Variants in ARHGEF4 observed in about 807,000 individuals in gnomAD.
ARHGEF4 encodes APC-stimulated guanine nucleotide exchange factor 1.
A neutral mutation model predicts 162.0 loss-of-function variants in ARHGEF4; 119 were observed. That is an observed-to-expected ratio of 0.73 (90% CI 0.63 to 0.86). The LOEUF is 0.86. Ranked by LOEUF, ARHGEF4 falls within the 40% of genes least tolerant of loss-of-function variation. ARHGEF4 has a pLI of 0.00. For missense variants in ARHGEF4, 2,488 were observed against 2,456.0 expected (o/e 1.01, Z -0.28); for synonymous variants, 1,014 against 979.9 (o/e 1.03, Z -0.65).
At chr2:130,988,901 T>TATATATATATATATAGAG (rs1469212068) in intron 4 of ARHGEF4, among the ~76,000 whole-genome samples, 1 of 113,366 alleles carries the variant, frequency 8.8e-6, no homozygotes, top group African/African-American at 3.7e-5. Flanking sequence ...TATATATATA[T>TATATATATATATATAGAG]AGAGAGAGAG....
chr2:131,000,976 G>A (rs1573575957), intron 4 of ARHGEF4, among the ~76,000 whole-genome samples: 1 of 152,034 alleles, frequency 6.6e-6, no homozygotes, highest in Non-Finnish European at 1.5e-5. Context: ...AATATCTTAC[G>A]AGTGACAAAG....
intron 4 of ARHGEF4, among the ~76,000 whole-genome samples, chr2:130,981,919 A>G (rs1015123025): frequency 2.6e-4 from 39 of 152,224 alleles, no homozygotes; most frequent in Admixed American, 4.6e-4. Context: ...GCAAAACAAC[A>G]AACATAGTGT....
At chr2:130,886,515 T>C (rs1277398350) in intron 1 of ARHGEF4, among the ~76,000 whole-genome samples, 1 of 151,520 alleles carries the variant, frequency 6.6e-6, no homozygotes, top group Non-Finnish European at 1.5e-5. Flanking sequence ...CCTTCTCTAC[T>C]AAAAATACAA....
chr2:130,881,920 A>C lies in ARHGEF4; in HGVS notation c.40-32066A>C, dbSNP rs554747563. Among the ~76,000 whole-genome samples the C allele has an allele frequency of 2.4e-4, 37 of 151,594 alleles. 1 individual carries two copies. The highest frequency in any genetic ancestry group is 4.6e-4 in the Admixed American group (7 of 15,242). On this transcript the variant is annotated intron_variant, in intron 1 of 13. Transcript: ENST00000409359. The stretch of plus-strand genomic sequence containing the variant: ...CGCCAAGCTGGCTGGCAAAACAGGT[A>C]CCCCCTCTCTAGTCTGGGTGGTTGA...
intron 4 of ARHGEF4, among the ~76,000 whole-genome samples, chr2:131,001,630 C>T (rs928705099): frequency 2.0e-5 from 3 of 151,858 alleles, no homozygotes; most frequent in East Asian, 3.9e-4. Flanking sequence ...CTAGTAAAGT[C>T]GAACATGATT....
intron 4 of ARHGEF4, among the ~76,000 whole-genome samples, chr2:131,017,372 C>T (rs1052455365): frequency 1.3e-5 from 2 of 152,190 alleles, no homozygotes; most frequent in Admixed American, 6.5e-5. Flanking sequence ...CTCAACCTTC[C>T]GTTCATGCAG....
chr2:130,901,982 C>T (rs1241477061), intron 1 of ARHGEF4, among the ~76,000 whole-genome samples: 1 of 152,074 alleles, frequency 6.6e-6, no homozygotes, highest in African/African-American at 2.4e-5. Flanking sequence ...AGTGGTTTAC[C>T]CTGCCTTCCT....
At chr2:130,985,936 G>A (rs1686458185) in intron 4 of ARHGEF4, among the ~76,000 whole-genome samples, 1 of 151,584 alleles carries the variant, frequency 6.6e-6, no homozygotes, top group Admixed American at 6.6e-5. Flanking sequence ...TGTTGCATGT[G>A]TGTGTTGAGT....
chr2:130,864,463 G>A (rs565046210), intron 1 of ARHGEF4, among the ~76,000 whole-genome samples: 159 of 152,248 alleles, frequency 1.0e-3, no homozygotes, highest in African/African-American at 3.4e-3. Flanking sequence ...GCTGGCTCAC[G>A]CCTATAATCC....
At chr2:130,950,687 C>CCA (rs1553430105) in intron 4 of ARHGEF4, among the ~76,000 whole-genome samples, 1 of 110,560 alleles carries the variant, frequency 9.0e-6, no homozygotes, top group Admixed American at 8.5e-5. Flanking sequence ...TTAGCTATTA[C>CCA]CCCCCACCAC....
At chr2:130,962,782 G>A (rs1684705273) in intron 4 of ARHGEF4, among the ~76,000 whole-genome samples, 1 of 151,634 alleles carries the variant, frequency 6.6e-6, no homozygotes, top group African/African-American at 2.4e-5. Context: ...GGGCTTTGGG[G>A]GAATGATAAT....
At chr2:130,976,331 TCG>T (rs1491337913) in intron 4 of ARHGEF4, among the ~76,000 whole-genome samples, 3 of 114,266 alleles carry the variant, frequency 2.6e-5, no homozygotes, top group Non-Finnish European at 3.8e-5. Context: ...GGCCCCAGAA[TCG>T]TGTGTGTGTG....
At chr2:130,940,955 C>T (rs568295597) in intron 3 of ARHGEF4, among the ~76,000 whole-genome samples, 7 of 151,806 alleles carry the variant, frequency 4.6e-5, no homozygotes, top group East Asian at 3.9e-4. Context: ...AAACAGTATT[C>T]GAGGAACTCT....
chr2:131,018,028 T>G (rs547257741), intron 4 of ARHGEF4, among the ~76,000 whole-genome samples: 28 of 152,248 alleles, frequency 1.8e-4, no homozygotes, highest in African/African-American at 6.3e-4. Context: ...GCTAAAACAT[T>G]TCTGAAAAGA....
At chr2:130,881,409 T>C (rs1182250248) in intron 1 of ARHGEF4, among the ~76,000 whole-genome samples, 1 of 152,130 alleles carries the variant, frequency 6.6e-6, no homozygotes, top group Non-Finnish European at 1.5e-5. Context: ...GTAAGATTAG[T>C]GTTGGGGGAG....
At chr2:130,846,569 G>A (rs1232101443) in intron 1 of ARHGEF4, among the ~76,000 whole-genome samples, 1 of 152,216 alleles carries the variant, frequency 6.6e-6, no homozygotes, top group Non-Finnish European at 1.5e-5. Context: ...ATGGGACGGC[G>A]AGAGAGAAGG....
chr2:130,839,745 T>C (rs1027283150), intron 1 of ARHGEF4, among the ~76,000 whole-genome samples: 1 of 152,150 alleles, frequency 6.6e-6, no homozygotes, highest in Non-Finnish European at 1.5e-5. Flanking sequence ...GGGCCAAGCA[T>C]GACTTTTGAT....
intron 4 of ARHGEF4, among the ~76,000 whole-genome samples, chr2:130,970,287 G>GT (rs1022367270): frequency 3.3e-5 from 5 of 152,060 alleles, no homozygotes; most frequent in African/African-American, 1.2e-4. Flanking sequence ...GTATTGCCAG[G>GT]TTTTTTAAAA....
chr2:130,988,895 T>TAGAGAGAGAGAGAG (rs1259444648), intron 4 of ARHGEF4, among the ~76,000 whole-genome samples: 1 of 109,092 alleles, frequency 9.2e-6, no homozygotes, highest in East Asian at 3.8e-4. Context: ...TATATATATA[T>TAGAGAGAGAGAGAG]ATATATAGAG....
Sources: gnomAD v4.1 joint callset for allele counts (sites outside exome capture counted in the v4.1 genomes callset) on GRCh38, gnomAD v4.1.1 for gene constraint, MANE v1.5 for transcripts, NCBI Gene and HGNC (gene_info 2026-07-23, HGNC 2026-07-21) for gene names.